Variants in HSPA12A observed in about 807,000 individuals in gnomAD.
HSPA12A encodes the protein heat shock 70 kDa protein 12A.
HSPA12A carries 28 observed loss-of-function variants against 69.2 expected under a neutral mutation model. The observed-to-expected ratio is 0.40, with a 90% CI of 0.30 to 0.55. The LOEUF (loss-of-function observed/expected upper bound fraction) is 0.55, where lower values mean the gene tolerates loss of function less well. Ranked by LOEUF, HSPA12A falls within the 20% of genes least tolerant of loss-of-function variation. The pLI is 0.38. For missense variants in HSPA12A, 686 were observed against 900.7 expected (o/e 0.76, Z 3.05); for synonymous variants, 345 against 370.5 (o/e 0.93, Z 0.79).
intron 2 of HSPA12A, among the ~76,000 whole-genome samples, chr10:116,800,333 G>A (rs1844927479): frequency 6.7e-6 from 1 of 148,998 alleles, no homozygotes; most frequent in Admixed American, 6.8e-5. Context: ...TCCATCATGG[G>A]GAAGCTCACA....
chr10:116,692,646 G>A (rs540558705), intron 5 of HSPA12A, among the ~76,000 whole-genome samples, 179 bp from the exon 6 acceptor site: 6 of 152,296 alleles, frequency 3.9e-5, no homozygotes, highest in East Asian at 1.9e-4. Flanking sequence ...TCTGCAAGCC[G>A]GGAGCTCTAG....
chr10:116,849,942 G>A (rs1846023138), upstream of HSPA12A: 1 of 715,698 alleles, frequency 1.4e-6, no homozygotes. Flanking sequence ...GTGGCAGAAA[G>A]GAGGCAGCTG....
chr10:116,761,519 G>A (rs554324474), intron 2 of HSPA12A, among the ~76,000 whole-genome samples: 1 of 151,398 alleles, frequency 6.6e-6, no homozygotes, highest in East Asian at 1.9e-4. Flanking sequence ...AATTAGCCAG[G>A]CTAACTAGTG....
intron 5 of HSPA12A, 143 bp from the exon 6 acceptor site, chr10:116,692,610 A>C (rs1428046557): frequency 6.0e-6 from 4 of 669,582 alleles, no homozygotes. Flanking sequence ...CCAGCATCAG[A>C]GAGCAAAGAT....
At chr10:116,741,507 G>A (rs1295571485) in intron 1 of HSPA12A, among the ~76,000 whole-genome samples, 1 of 152,182 alleles carries the variant, frequency 6.6e-6, no homozygotes, top group Non-Finnish European at 1.5e-5. Context: ...AGGCCCTGCA[G>A]GTCAGGGACG....
At chr10:116,771,809 C>A (rs1348079214) in intron 2 of HSPA12A, among the ~76,000 whole-genome samples, 3 of 151,350 alleles carry the variant, frequency 2.0e-5, no homozygotes, top group African/African-American at 7.3e-5. Flanking sequence ...GGTGAGAGTG[C>A]ACCCCCAAGG....
chr10:116,774,488 G>C (rs1345619230), intron 2 of HSPA12A, among the ~76,000 whole-genome samples: 1 of 152,130 alleles, frequency 6.6e-6, no homozygotes, highest in Non-Finnish European at 1.5e-5. Context: ...CTGACCCAGA[G>C]ACTCTGGGTA....
At chr10:116,785,423 C>T (rs1372752045) in intron 2 of HSPA12A, among the ~76,000 whole-genome samples, 1 of 152,098 alleles carries the variant, frequency 6.6e-6, no homozygotes, top group African/African-American at 2.4e-5. Flanking sequence ...GAGAGCAGTC[C>T]TGGCCACCAG....
Position 116,726,027 on chromosome 10 carries a change from G to GCGCGCAAACACACACACACACACACACA in HSPA12A, c.40+16402_40+16403insTGTGTGTGTGTGTGTGTGTGTTTGCGCG, listed in dbSNP as rs140160132. Reference sequence around the variant, plus strand: ...ACAAGGTTTAGACACACACACACACGCACACACACACACACACACACACAC... The same window carrying GCGCGCAAACACACACACACACACACACA: ...ACAAGGTTTAGACACACACACACACGCGCGCAAACACACACACACACACACACACACACACACACACACACACACACAC... On this transcript the variant is annotated intron_variant, in intron 1 of 11. Coordinates refer to ENST00000369209, the MANE Select transcript of HSPA12A (RefSeq NM_025015.3). 2.2e-4 allele frequency among the ~76,000 whole-genome samples: 32 copies of GCGCGCAAACACACACACACACACACACA among 146,222 alleles called. No individual in the cohort carries two copies. In the East Asian group the frequency reaches 5.6e-3, roughly 26 times the overall value.
intron 2 of HSPA12A, among the ~76,000 whole-genome samples, chr10:116,764,331 A>G (rs868927952): frequency 1.5e-4 from 23 of 152,240 alleles, no homozygotes; most frequent in Non-Finnish European, 1.6e-4. Flanking sequence ...AACAACATAA[A>G]TGATCATTCA....
intron 2 of HSPA12A, among the ~76,000 whole-genome samples, chr10:116,811,876 G>A (rs936484888): frequency 2.6e-5 from 4 of 152,146 alleles, no homozygotes; most frequent in Non-Finnish European, 4.4e-5. Context: ...AAGTGCCACC[G>A]CAGGGATTCC....
chr10:116,848,089 T>C (rs963608016), intron 1 of HSPA12A, among the ~76,000 whole-genome samples: 4 of 152,196 alleles, frequency 2.6e-5, no homozygotes, highest in Non-Finnish European at 5.9e-5. Context: ...GCAGCAATAG[T>C]GTCAGCTTAT....
At chr10:116,833,604 C>T (rs1484266273) in intron 2 of HSPA12A, among the ~76,000 whole-genome samples, 1 of 152,142 alleles carries the variant, frequency 6.6e-6, no homozygotes, top group African/African-American at 2.4e-5. Context: ...AAAACCAATT[C>T]AGATCAATAA....
intron 2 of HSPA12A, among the ~76,000 whole-genome samples, chr10:116,766,031 T>C (rs1408746025): frequency 1.3e-5 from 2 of 152,166 alleles, no homozygotes; most frequent in African/African-American, 4.8e-5. Context: ...CAGGTCCTGT[T>C]TGACGGCACA....
intron 2 of HSPA12A, among the ~76,000 whole-genome samples, chr10:116,781,392 G>A (rs1362977301): frequency 5.9e-5 from 9 of 152,090 alleles, no homozygotes; most frequent in African/African-American, 1.7e-4. Flanking sequence ...AATGCCGCTC[G>A]GTCAGGCCTC....
intron 3 of HSPA12A, 65 bp from the exon 4 acceptor site, chr10:116,701,194 T>C: frequency 6.8e-7 from 1 of 1,477,614 alleles, no homozygotes; most frequent in Non-Finnish European, 9.4e-7. Context: ...GCAGCACAGA[T>C]TTGAACACCT....
intron 1 of HSPA12A, among the ~76,000 whole-genome samples, chr10:116,721,428 G>A (rs77134326): frequency 0.011 from 1,694 of 152,292 alleles, 28 homozygotes; most frequent in African/African-American, 0.039. Context: ...AAGCAGCTGT[G>A]ATGAGGCCAG....
intron 2 of HSPA12A, among the ~76,000 whole-genome samples, chr10:116,782,190 C>T (rs1199239991): frequency 6.6e-6 from 1 of 152,176 alleles, no homozygotes; most frequent in African/African-American, 2.4e-5. Context: ...AGATTTTGTG[C>T]TCACTAGATG....
chr10:116,732,317 C>A, intron 1 of HSPA12A, among the ~76,000 whole-genome samples: 1 of 61,116 alleles, frequency 1.6e-5, no homozygotes. Context: ...GTGACTCCGT[C>A]TCAAAAAAAA....
Sources: gnomAD v4.1 joint callset for allele counts (sites outside exome capture counted in the v4.1 genomes callset) on GRCh38, gnomAD v4.1.1 for gene constraint, MANE v1.5 for transcripts, NCBI Gene and HGNC (gene_info 2026-07-23, HGNC 2026-07-21) for gene names.